The following CAST variants were observed in gnomAD, a reference collection of about 807,000 sequenced individuals.
CAST encodes the protein calpastatin, also known as MIR583 host.
Under a neutral mutation model 119.6 loss-of-function variants are expected in CAST, and 76 were observed. The observed-to-expected ratio is 0.64, with a 90% CI of 0.53 to 0.77. The LOEUF is 0.77. Among genes scored for constraint, CAST ranks in the 30% least tolerant of loss-of-function variants. The pLI is 0.00. For synonymous variants in CAST, 319 were observed against 331.6 expected (o/e 0.96, Z 0.41); for missense variants, 953 against 946.5 (o/e 1.01, Z -0.09).
At chr5:96,349,137 C>CTTTTTTTTTTTTTTTT in the CAST span, among the ~76,000 whole-genome samples, 13 of 31,310 alleles carry the variant, frequency 4.2e-4, no homozygotes, top group African/African-American at 2.2e-3. Flanking sequence ...AACAAGGACA[C>CTTTTTTTTTTTTTTTT]TATTTTTTTT....
the CAST span, among the ~76,000 whole-genome samples, chr5:96,367,761 C>T: frequency 1.3e-5 from 2 of 152,094 alleles, no homozygotes; most frequent in Non-Finnish European, 2.9e-5. Context: ...TCCCTCACCC[C>T]TTGTGCTTCC....
chr5:96,316,065 A>G, the CAST span, among the ~76,000 whole-genome samples: 2 of 152,238 alleles, frequency 1.3e-5, no homozygotes, highest in African/African-American at 4.8e-5. Flanking sequence ...TTTCTGACCC[A>G]TGACATCTGG....
At chr5:96,573,904 T>C (rs1416382799) in intron 1 of CAST, among the ~76,000 whole-genome samples, 1 of 152,226 alleles carries the variant, frequency 6.6e-6, no homozygotes. Flanking sequence ...TTTTGATTAT[T>C]ATAATGTTTT....
the CAST span, among the ~76,000 whole-genome samples, chr5:96,204,686 C>T: frequency 6.6e-6 from 1 of 152,000 alleles, no homozygotes; most frequent in Non-Finnish European, 1.5e-5. Context: ...TCCCAGGAGG[C>T]CCACAGAAAG....
chr5:96,083,671 T>A, the CAST span, among the ~76,000 whole-genome samples: 1 of 152,236 alleles, frequency 6.6e-6, no homozygotes, highest in Non-Finnish European at 1.5e-5. Context: ...CTTGTTTCCA[T>A]GGTGTTTAAG....
chr5:96,737,988 G>T, intron 11 of CAST, 41 bp downstream of exon 11: 1 of 1,144,238 alleles, frequency 8.7e-7, no homozygotes. Flanking sequence ...TACTCAGTGG[G>T]TAGGAGAGCA....
chr5:96,770,507 C>A (rs1171136034), intron 29 of CAST, 24 bp from the exon 30 acceptor site: 2 of 1,542,178 alleles, frequency 1.3e-6, no homozygotes, highest in Admixed American at 3.3e-5. Flanking sequence ...TAGCCATAGC[C>A]TCATTACATT....
chr5:96,161,515 C>T, the CAST span, among the ~76,000 whole-genome samples: 1 of 152,180 alleles, frequency 6.6e-6, no homozygotes, highest in African/African-American at 2.4e-5. Context: ...GCCAGTACCA[C>T]ACTGTTTTGC....
the CAST span, among the ~76,000 whole-genome samples, chr5:96,404,880 T>C: frequency 6.6e-6 from 1 of 152,058 alleles, no homozygotes; most frequent in Non-Finnish European, 1.5e-5. Context: ...TAATATTGTA[T>C]ATAAAGAGGC....
upstream of CAST, among the ~76,000 whole-genome samples, chr5:96,521,976 C>A (rs754576065): frequency 6.6e-6 from 1 of 152,072 alleles, no homozygotes; most frequent in Non-Finnish European, 1.5e-5. Flanking sequence ...ATTAGCCAGG[C>A]GTGGTGGCGG....
chr5:96,207,451 C>A, the CAST span, among the ~76,000 whole-genome samples: 5 of 151,748 alleles, frequency 3.3e-5, no homozygotes, highest in African/African-American at 1.2e-4. Flanking sequence ...CATAGATAGC[C>A]CTTATTATTT....
chr5:96,313,594 T>A, the CAST span, among the ~76,000 whole-genome samples: 1 of 152,218 alleles, frequency 6.6e-6, no homozygotes, highest in Non-Finnish European at 1.5e-5. Flanking sequence ...TAAGCATTTA[T>A]GAATAAGATT....
At chr5:96,249,532 C>T in the CAST span, among the ~76,000 whole-genome samples, 5 of 152,202 alleles carry the variant, frequency 3.3e-5, no homozygotes, top group African/African-American at 9.7e-5. Flanking sequence ...GTATCTATAA[C>T]GACCACTTAG....
the CAST span, among the ~76,000 whole-genome samples, chr5:96,500,321 C>A: frequency 6.6e-5 from 10 of 152,234 alleles, 1 homozygote; most frequent in Admixed American, 6.5e-4. Context: ...AAGAGAAGCA[C>A]AATAAAACAA....
chr5:96,677,875 G>T (rs1164704730), intron 2 of CAST, among the ~76,000 whole-genome samples: 3 of 152,188 alleles, frequency 2.0e-5, no homozygotes, highest in African/African-American at 7.2e-5. Context: ...AATTCTGCCT[G>T]TATGTATTTG....
chr5:96,774,432 C>T lies in CAST; in HGVS notation c.*1816C>T. ...CTGGAGTAAGCTACAGGATCTAAAGCAGCCCTTTTTACAGTCTAGTTAGGA... is the reference window on the plus strand; with the variant it reads ...CTGGAGTAAGCTACAGGATCTAAAGTAGCCCTTTTTACAGTCTAGTTAGGA... On this transcript the variant is annotated 3_prime_UTR_variant, in exon 32 of 32. Transcript: ENST00000675179. The T allele has an allele frequency of 1.2e-6, 1 of 820,584 alleles. No homozygotes were observed. The highest frequency in any genetic ancestry group is 1.5e-6 in the Non-Finnish European group (1 of 677,278). 50.8% of individuals were successfully genotyped at this position (820,584 alleles called of 1,614,324 possible).
At chr5:96,395,140 T>A in the CAST span, 4 of 897,774 alleles carry the variant, frequency 4.5e-6, no homozygotes, top group Non-Finnish European at 5.4e-6. Flanking sequence ...ATTCTGTGCA[T>A]TTCATGTGAA....
chr5:96,432,708 C>A, the CAST span, among the ~76,000 whole-genome samples: 8 of 152,170 alleles, frequency 5.3e-5, no homozygotes. Flanking sequence ...TCTCTCTCTC[C>A]AAGCGCGACA....
At chr5:96,752,917 G>A (rs1765440211) in intron 20 of CAST, among the ~76,000 whole-genome samples, 1 of 150,096 alleles carries the variant, frequency 6.7e-6, no homozygotes, top group Non-Finnish European at 1.5e-5. Context: ...GGAAGCAACA[G>A]TTTAAAGAAT....
Sources: allele counts gnomAD v4.1 joint callset (sites outside exome capture counted in the v4.1 genomes callset), GRCh38; gene constraint gnomAD v4.1.1; transcripts MANE v1.5; gene names NCBI Gene and HGNC (gene_info 2026-07-23, HGNC 2026-07-21).